The following ACTR3C variants were observed in gnomAD, a reference collection of about 807,000 sequenced individuals.
ACTR3C encodes actin related protein 3C.
Under a neutral mutation model 26.3 loss-of-function variants are expected in ACTR3C, and 18 were observed. The ratio of observed to expected loss-of-function variants is 0.68; its 90% CI spans 0.47 to 1.01. The LOEUF (loss-of-function observed/expected upper bound fraction) is 1.01, where lower values mean the gene tolerates loss of function less well. Ranked by LOEUF, ACTR3C falls within the 50% of genes least tolerant of loss-of-function variation. The pLI is 0.00. For missense variants in ACTR3C, 184 were observed against 250.7 expected (o/e 0.73, Z 1.80); for synonymous variants, 55 against 94.5 (o/e 0.58, Z 2.42).
chr7:150,085,185 C>T, the ACTR3C span, among the ~76,000 whole-genome samples: 1 of 152,046 alleles, frequency 6.6e-6, no homozygotes, highest in Non-Finnish European at 1.5e-5. Flanking sequence ...GTCAGATGGG[C>T]ACTTTGAAAA....
the ACTR3C span, among the ~76,000 whole-genome samples, chr7:150,238,652 T>C: frequency 6.8e-6 from 1 of 146,204 alleles, no homozygotes; most frequent in African/African-American, 2.7e-5. Flanking sequence ...TACTCTCTGG[T>C]AAAGTCATGG....
chr7:150,144,112 A>G, the ACTR3C span, among the ~76,000 whole-genome samples: 1 of 152,120 alleles, frequency 6.6e-6, no homozygotes, highest in Non-Finnish European at 1.5e-5. This position sits in a 1 kb window ranked among gnomAD's most constrained non-coding sequence, Gnocchi z 4.6. Context: ...GTTACGTGAT[A>G]GAATTAGGAA....
At chr7:149,944,986 G>A in the ACTR3C span, among the ~76,000 whole-genome samples, 2 of 151,898 alleles carry the variant, frequency 1.3e-5, no homozygotes, top group African/African-American at 2.4e-5. Context: ...GGTTGATCTC[G>A]TGGGCAGGTG....
chr7:150,309,183 T>C (rs543104385), intron 1 of ACTR3C, among the ~76,000 whole-genome samples: 18 of 152,146 alleles, frequency 1.2e-4, no homozygotes, highest in African/African-American at 4.1e-4. Context: ...TCTTGCCTAG[T>C]TGAAGGGCTA....
At chr7:150,263,874 A>T (rs1833834281) in intron 6 of ACTR3C, among the ~76,000 whole-genome samples, 1 of 152,266 alleles carries the variant, frequency 6.6e-6, no homozygotes, top group Non-Finnish European at 1.5e-5. Flanking sequence ...AAAAATAAAT[A>T]AATAAAACAA....
intron 6 of ACTR3C, among the ~76,000 whole-genome samples, chr7:150,264,209 C>A (rs1046613639): frequency 6.6e-5 from 10 of 152,236 alleles, no homozygotes; most frequent in Admixed American, 6.5e-5. Flanking sequence ...TGCTCCTTTG[C>A]GATTCAGAAT....
Position 150,274,160 on chromosome 7 carries a change from A to C in ACTR3C, c.564+10593T>G, listed in dbSNP as rs1834665340. 6.6e-6 allele frequency among the ~76,000 whole-genome samples: 1 copy of C among 152,122 alleles called. No individual in the cohort carries two copies. The highest frequency in any genetic ancestry group is 2.4e-5 in the African/African-American group (1 of 41,386). ...GGCTGGGCAAAATGACGTGGGAAAA[A>C]GCGCCGAGGTGCAGTCTAGAGCAGG... On this transcript the variant is annotated intron_variant, in intron 6 of 7. Coordinates refer to ENST00000683684, the MANE Select transcript of ACTR3C (RefSeq NM_001164458.2). The surrounding 1 kb of genome is among the most constrained non-coding windows in gnomAD (Gnocchi z 4.1).
chr7:149,933,405 A>C, the ACTR3C span, among the ~76,000 whole-genome samples: 2 of 152,074 alleles, frequency 1.3e-5, no homozygotes, highest in African/African-American at 2.4e-5. Context: ...ACATCTTGCA[A>C]ATTAGTTTTG....
chr7:150,066,933 T>C, the ACTR3C span, among the ~76,000 whole-genome samples: 2 of 152,236 alleles, frequency 1.3e-5, no homozygotes, highest in South Asian at 4.1e-4. Flanking sequence ...AAGGTCCTGT[T>C]GGGTTTCCAA....
chr7:149,885,139 A>G, the ACTR3C span, among the ~76,000 whole-genome samples: 3 of 152,152 alleles, frequency 2.0e-5, no homozygotes, highest in African/African-American at 7.2e-5. Flanking sequence ...CATGACAACT[A>G]TAAATGTCTC....
chr7:150,143,807 T>G, the ACTR3C span, among the ~76,000 whole-genome samples: 1 of 152,218 alleles, frequency 6.6e-6, no homozygotes, highest in African/African-American at 2.4e-5. Context: ...TCCCCCCGCT[T>G]AGAGCTTGCA....
the ACTR3C span, among the ~76,000 whole-genome samples, chr7:150,029,625 T>C: frequency 3.9e-5 from 6 of 151,990 alleles, no homozygotes; most frequent in African/African-American, 1.2e-4. Flanking sequence ...CCAGCAACAT[T>C]ACTGCTTTTT....
the ACTR3C span, among the ~76,000 whole-genome samples, chr7:150,052,368 CAT>C: frequency 6.6e-6 from 1 of 152,238 alleles, no homozygotes; most frequent in Non-Finnish European, 1.5e-5. Context: ...CACACACACA[CAT>C]ACACACACAC....
At chr7:149,907,494 C>CTCTCTCTG in the ACTR3C span, among the ~76,000 whole-genome samples, 1 of 149,382 alleles carries the variant, frequency 6.7e-6, no homozygotes. Flanking sequence ...CTCTCTCTCT[C>CTCTCTCTG]TCTCTCTCTC....
At chr7:150,176,447 A>C in the ACTR3C span, among the ~76,000 whole-genome samples, 1 of 150,942 alleles carries the variant, frequency 6.6e-6, no homozygotes, top group East Asian at 1.9e-4. Flanking sequence ...AACTGATTAC[A>C]GCTGAGCTTT....
the ACTR3C span, among the ~76,000 whole-genome samples, chr7:150,158,759 T>G: frequency 6.6e-6 from 1 of 152,154 alleles, no homozygotes; most frequent in African/African-American, 2.4e-5. Flanking sequence ...TGGAATTTGC[T>G]GAGAGCAGAT....
chr7:150,248,233 A>G (rs1832581494), intron 7 of ACTR3C: 1 of 152,358 alleles, frequency 6.6e-6, no homozygotes, highest in Non-Finnish European at 1.5e-5. Flanking sequence ...TCGATGATAC[A>G]GAATGAGGCA....
At chr7:150,037,527 CT>C in the ACTR3C span, among the ~76,000 whole-genome samples, 3 of 47,460 alleles carry the variant, frequency 6.3e-5, 1 homozygote, top group Non-Finnish European at 1.4e-4. Flanking sequence ...CAGTCCCCAC[CT>C]TCGCGGGGGG....
the ACTR3C span, among the ~76,000 whole-genome samples, chr7:149,992,089 G>T: frequency 6.6e-6 from 1 of 151,022 alleles, no homozygotes; most frequent in Admixed American, 6.6e-5. Context: ...ACAGAGGTGT[G>T]CCACCACTCC....
Sources: gnomAD v4.1 joint callset for allele counts (sites outside exome capture counted in the v4.1 genomes callset) on GRCh38, gnomAD v4.1.1 for gene constraint, Gnocchi (gnomAD v3.1) non-coding constraint, MANE v1.5 for transcripts, NCBI Gene and HGNC (gene_info 2026-07-23, HGNC 2026-07-21) for gene names.